TENM1: variants seen among roughly 807,000 people sequenced by gnomAD.
The protein encoded by TENM1 is teneurin transmembrane protein 1.
Under a neutral mutation model 174.8 loss-of-function variants are expected in TENM1, and 35 were observed. That is an observed-to-expected ratio of 0.20 (90% CI 0.15 to 0.27). The LOEUF is 0.27. Ranked by LOEUF, TENM1 falls within the 10% of genes least tolerant of loss-of-function variation. The pLI is 1.00. For synonymous variants in TENM1, 781 were observed against 798.7 expected (o/e 0.98, Z 0.37); for missense variants, 1,633 against 2,130.1 (o/e 0.77, Z 4.59).
At chrX:124,450,986 T>C (rs1267317848) in intron 23 of TENM1, among the ~76,000 whole-genome samples, 5 of 112,269 alleles carry the variant, frequency 4.5e-5, no homozygotes, top group Non-Finnish European at 7.5e-5. Flanking sequence ...ACTAATCAAT[T>C]TGAAAACTCT....
chrX:124,528,713 A>G (rs897242787), intron 16 of TENM1, among the ~76,000 whole-genome samples: 4 of 110,604 alleles, frequency 3.6e-5, no homozygotes, highest in Admixed American at 9.7e-5. Flanking sequence ...ATGTACATAT[A>G]TGTGTGTGCT....
Position 124,684,990 on chromosome X carries a change from C to A in TENM1, c.1016-13155G>T, listed in dbSNP as rs193086609. On this transcript the variant is annotated intron_variant, in intron 5 of 31. Coordinates refer to ENST00000422452, the Ensembl canonical transcript of TENM1. ...AAAGCCAACCCAGAGACCTTCCCTG[C>A]TGGTCCACACAGAATCCCTGGACAA... Among the ~76,000 whole-genome samples the A allele has an allele frequency of 3.7e-3, 415 of 111,218 alleles. 2 individuals are homozygous for A. Among genetic ancestry groups the A allele is most frequent in the Non-Finnish European group, 6.2e-3 (327 of 53,070 alleles).
chrX:124,629,953 C>T (rs1209171828), intron 11 of TENM1, among the ~76,000 whole-genome samples: 3 of 111,998 alleles, frequency 2.7e-5, no homozygotes, highest in Non-Finnish European at 3.8e-5. Context: ...ATACTAACTA[C>T]GTGCCTAATG....
At chrX:125,118,566 T>G in the TENM1 span, among the ~76,000 whole-genome samples, 4 of 111,003 alleles carry the variant, frequency 3.6e-5, no homozygotes, top group South Asian at 3.8e-4. Flanking sequence ...GACTCAATAA[T>G]AAGAAGATAA....
intron 11 of TENM1, among the ~76,000 whole-genome samples, chrX:124,620,785 C>T (rs1749704601): frequency 8.9e-6 from 1 of 111,969 alleles, no homozygotes; most frequent in African/African-American, 3.2e-5. Context: ...TGTTGTCTTA[C>T]ATAGAGCCTG....
intron 1 of TENM1, among the ~76,000 whole-genome samples, chrX:124,902,716 T>C (rs1169578926): frequency 8.9e-6 from 1 of 112,726 alleles, no homozygotes; most frequent in African/African-American, 3.2e-5. Context: ...GTAAATTTAC[T>C]TAAACACAGC....
chrX:125,129,177 A>G, the TENM1 span, among the ~76,000 whole-genome samples: 1 of 112,067 alleles, frequency 8.9e-6, no homozygotes, highest in Non-Finnish European at 1.9e-5. Flanking sequence ...ACTTGATCTC[A>G]GACGTCTAGA....
At chrX:124,506,088 A>G (rs1179079600) in intron 18 of TENM1, among the ~76,000 whole-genome samples, 2 of 111,597 alleles carry the variant, frequency 1.8e-5, no homozygotes, top group Non-Finnish European at 3.8e-5. Flanking sequence ...CAATAATTAC[A>G]AGTTCCCTTA....
At chrX:125,002,232 T>C in the TENM1 span, among the ~76,000 whole-genome samples, 1 of 111,530 alleles carries the variant, frequency 9.0e-6, no homozygotes, top group Admixed American at 9.6e-5. Context: ...TTCAATTGCA[T>C]AGTGCTTCAC....
At chrX:124,953,414 T>C (rs1010017662) in intron 1 of TENM1, among the ~76,000 whole-genome samples, 7 of 111,895 alleles carry the variant, frequency 6.3e-5, no homozygotes, top group Non-Finnish European at 1.3e-4. Flanking sequence ...CTAACTTTCC[T>C]TTTACATCAT....
chrX:124,396,846 A>G (rs1005685468), intron 27 of TENM1, among the ~76,000 whole-genome samples: 5 of 111,455 alleles, frequency 4.5e-5, no homozygotes, highest in South Asian at 3.8e-4. Flanking sequence ...GAAGGGGGGG[A>G]AAAAAGGATT....
chrX:124,794,265 C>G (rs757201871), intron 3 of TENM1, among the ~76,000 whole-genome samples: 14 of 111,572 alleles, frequency 1.3e-4, no homozygotes, highest in Non-Finnish European at 2.5e-4. Context: ...ATGTGCTCCT[C>G]AAGCCTAGGT....
At chrX:124,834,793 A>G (rs897284711) in intron 3 of TENM1, among the ~76,000 whole-genome samples, 1 of 112,193 alleles carries the variant, frequency 8.9e-6, no homozygotes, top group African/African-American at 3.2e-5. Context: ...TTCATCTTCC[A>G]CAATTTTAGT....
chrX:124,786,468 C>A (rs1167174624), intron 3 of TENM1, among the ~76,000 whole-genome samples: 2 of 111,885 alleles, frequency 1.8e-5, no homozygotes, highest in Non-Finnish European at 1.9e-5. Flanking sequence ...AGGTTTCTGG[C>A]ATGCAGGAGG....
At chrX:124,537,015 C>T (rs1201943580) in intron 15 of TENM1, among the ~76,000 whole-genome samples, 1 of 111,439 alleles carries the variant, frequency 9.0e-6, no homozygotes, top group Non-Finnish European at 1.9e-5. Flanking sequence ...CTCTTCCCTC[C>T]ACAGACGAAG....
chrX:124,833,113 T>G (rs181383545), intron 3 of TENM1, among the ~76,000 whole-genome samples: 1 of 112,091 alleles, frequency 8.9e-6, no homozygotes, highest in African/African-American at 3.2e-5. Context: ...AAGTTAGGTA[T>G]GCAGTATAAG....
At chrX:124,954,882 A>G (rs2058546833) in intron 1 of TENM1, among the ~76,000 whole-genome samples, 1 of 111,603 alleles carries the variant, frequency 9.0e-6, no homozygotes, top group Admixed American at 9.5e-5. Context: ...AACTTACCTC[A>G]CTACTCATCT....
At chrX:124,783,615 G>A (rs1462910101) in intron 3 of TENM1, among the ~76,000 whole-genome samples, 1 of 111,633 alleles carries the variant, frequency 9.0e-6, no homozygotes, top group Non-Finnish European at 1.9e-5. Flanking sequence ...TAAAAAAATC[G>A]ATGACCTTTA....
intron 1 of TENM1, among the ~76,000 whole-genome samples, chrX:124,912,343 C>G (rs758042073): frequency 1.8e-5 from 2 of 111,490 alleles, no homozygotes; most frequent in African/African-American, 6.5e-5. Context: ...CTGAGATATG[C>G]CACATTTGTC....
Sources: allele counts gnomAD v4.1 joint callset (sites outside exome capture counted in the v4.1 genomes callset), GRCh38; gene constraint gnomAD v4.1.1; transcripts MANE v1.5; gene names NCBI Gene and HGNC (gene_info 2026-07-23, HGNC 2026-07-21).